The following ZNF600 variants were observed in gnomAD, a reference collection of about 807,000 sequenced individuals.
ZNF600 encodes the protein zinc finger protein 600, also known as zinc finger protein KR-ZNF1.
ZNF600 carries 4 observed loss-of-function variants against 7.3 expected under a neutral mutation model. That is an observed-to-expected ratio of 0.55 (90% confidence interval 0.27 to 1.25). The LOEUF is 1.25. Among genes scored for constraint, ZNF600 ranks in the 50% most tolerant of loss-of-function variants. The probability of loss-of-function intolerance (pLI) is 0.12; values close to 1 mark genes in which losing one functional copy is unlikely to be tolerated. For missense variants in ZNF600, 911 were observed against 922.1 expected (o/e 0.99, Z 0.16); for synonymous variants, 290 against 308.9 (o/e 0.94, Z 0.64).
chr19:52,801,790 C>A, the ZNF600 span: 6 of 1,284,800 alleles, frequency 4.7e-6, no homozygotes, highest in Non-Finnish European at 6.4e-6. Flanking sequence ...AAAAACAATA[C>A]TTATTTTAAA....
exon 2 of ZNF600, chr19:52,778,872 G>A (rs2062697634): frequency 1.2e-6 from 2 of 1,604,930 alleles, no homozygotes; most frequent in African/African-American, 1.3e-5. Context: ...CTTCTGAGCT[G>A]CTTCTTCACA....
intron 3 of ZNF600, among the ~76,000 whole-genome samples, chr19:52,772,489 G>A (rs995031553): frequency 7.9e-5 from 12 of 152,104 alleles, no homozygotes; most frequent in Non-Finnish European, 1.8e-4. Flanking sequence ...TGTAATCCCA[G>A]CTACTTGGGA....
the ZNF600 span, among the ~76,000 whole-genome samples, chr19:52,826,173 G>T: frequency 1.3e-5 from 2 of 152,254 alleles, no homozygotes; most frequent in East Asian, 3.9e-4. Flanking sequence ...TGTAATCCTA[G>T]CACTTTGGGA....
chr19:52,787,700 A>T (rs2062776969), upstream of ZNF600, among the ~76,000 whole-genome samples: 1 of 150,942 alleles, frequency 6.6e-6, no homozygotes, highest in Non-Finnish European at 1.5e-5. Context: ...CTACTAAAAA[A>T]TACAAAAAAA....
At chr19:52,817,697 G>A in the ZNF600 span, among the ~76,000 whole-genome samples, 112 of 152,042 alleles carry the variant, frequency 7.4e-4, no homozygotes, top group African/African-American at 2.6e-3. Context: ...CCCTCACCCC[G>A]TCTCCATCCA....
chr19:52,831,215 C>A, the ZNF600 span, among the ~76,000 whole-genome samples: 1 of 152,180 alleles, frequency 6.6e-6, no homozygotes, highest in African/African-American at 2.4e-5. Context: ...AATTCCCTGG[C>A]TGAGTAGGTA....
chr19:52,809,861 TGGGCCTGCGGGC>T, the ZNF600 span: 1 of 649,800 alleles, frequency 1.5e-6, no homozygotes, highest in Non-Finnish European at 2.7e-6. Flanking sequence ...GCAGTAGCAC[TGGGCCTGCGGGC>T]GGTCCGGGAT....
exon 4 of ZNF600, chr19:52,767,592 C>T (rs1304267885): frequency 6.2e-7 from 1 of 1,613,912 alleles, no homozygotes; most frequent in East Asian, 2.2e-5. Flanking sequence ...TGCTTCATGG[C>T]CATTTCTTTC....
chr19:52,768,621 C>G (rs1460140334), intron 3 of ZNF600, among the ~76,000 whole-genome samples: 1 of 151,946 alleles, frequency 6.6e-6, no homozygotes, highest in African/African-American at 2.4e-5. Context: ...TCTCAGCTCA[C>G]TGCAACCTCT....
chr19:52,802,144 G>A, the ZNF600 span, among the ~76,000 whole-genome samples: 1 of 152,128 alleles, frequency 6.6e-6, no homozygotes, highest in South Asian at 2.1e-4. Flanking sequence ...GCTGTTGTAA[G>A]GATAACCAAA....
chr19:52,815,563 G>A, the ZNF600 span, among the ~76,000 whole-genome samples: 3 of 145,954 alleles, frequency 2.1e-5, no homozygotes, highest in Non-Finnish European at 4.4e-5. Flanking sequence ...GGTGGCTCAC[G>A]CCTGTAATCC....
chr19:52,765,544 CAATG>C, exon 4 of ZNF600: 1 of 1,612,760 alleles, frequency 6.2e-7, no homozygotes, highest in South Asian at 1.1e-5. Context: ...CAATGATTTG[CAATG>C]GTTGTAGCGT....
At chr19:52,783,935 G>A (rs114715865) in intron 1 of ZNF600, among the ~76,000 whole-genome samples, 19,264 of 152,068 alleles carry the variant, frequency 0.13, 1,437 homozygotes, top group Admixed American at 0.22. Context: ...TTAGCAGGGC[G>A]TGGTGGCGCA....
chr19:52,776,049 A>G (rs897769878), intron 2 of ZNF600, among the ~76,000 whole-genome samples: 2 of 143,794 alleles, frequency 1.4e-5, no homozygotes, highest in African/African-American at 5.3e-5. Context: ...GATGACAGCA[A>G]TAGCCATGAC....
At chr19:52,787,897 C>G (rs963107003), upstream of ZNF600, among the ~76,000 whole-genome samples, 3 of 151,282 alleles carry the variant, frequency 2.0e-5, no homozygotes, top group Admixed American at 1.3e-4. Context: ...AAAGAAATAT[C>G]TCCCCTAGTT....
exon 4 of ZNF600, chr19:52,766,953 T>G: frequency 7.4e-6 from 12 of 1,614,176 alleles, no homozygotes; most frequent in Non-Finnish European, 9.3e-6. Context: ...TTCTCCAGTA[T>G]GAATTGCCTT....
chr19:52,786,749 C>T (rs536616918), exon 1 of ZNF600: 21 of 380,628 alleles, frequency 5.5e-5, no homozygotes, highest in South Asian at 2.2e-4. Flanking sequence ...GTAGGACCTT[C>T]ACTCCACGCG....
chr19:52,824,337 A>T, the ZNF600 span, among the ~76,000 whole-genome samples: 2 of 152,068 alleles, frequency 1.3e-5, no homozygotes, highest in Non-Finnish European at 2.9e-5. Flanking sequence ...TACTTTGTTG[A>T]TTTAAAGCTA....
chr19:52,764,253 C>T (rs11667063), downstream of ZNF600: 56,124 of 151,854 alleles, frequency 0.37, 13,218 homozygotes, highest in Non-Finnish European at 0.53. Context: ...ACTCTACTGC[C>T]CAGGCTGAGG....
Sources: allele counts gnomAD v4.1 joint callset (sites outside exome capture counted in the v4.1 genomes callset), GRCh38; gene constraint gnomAD v4.1.1; transcripts MANE v1.5; gene names NCBI Gene and HGNC (gene_info 2026-07-23, HGNC 2026-07-21).